Variants in CENPK observed in about 807,000 individuals in gnomAD.
CENPK encodes the protein centromere protein K, also known as SoxLZ/Sox6-binding protein Solt.
A neutral mutation model predicts 40.9 loss-of-function variants in CENPK; 46 were observed. The ratio of observed to expected loss-of-function variants is 1.13; its 90% CI spans 0.89 to 1.44. The LOEUF is 1.44. Ranked by LOEUF, CENPK falls within the 40% of genes most tolerant of loss-of-function variation. The pLI is 0.00. For synonymous variants in CENPK, 107 were observed against 104.4 expected (o/e 1.02, Z -0.15); for missense variants, 288 against 303.5 (o/e 0.95, Z 0.38).
chr5:65,552,782 A>C (rs34740749), intron 3 of CENPK, among the ~76,000 whole-genome samples: 1,788 of 152,064 alleles, frequency 0.012, 23 homozygotes, highest in Middle Eastern at 0.048. Flanking sequence ...AAAAAAAAAA[A>C]CCCAAAAACT....
the CENPK span, among the ~76,000 whole-genome samples, chr5:65,500,861 G>A: frequency 4.6e-5 from 7 of 151,836 alleles, no homozygotes; most frequent in African/African-American, 1.5e-4. Flanking sequence ...CAGTAGAGAC[G>A]GGGTTACACC....
chr5:65,560,504 G>A (rs1227831552), intron 2 of CENPK, among the ~76,000 whole-genome samples: 1 of 152,020 alleles, frequency 6.6e-6, no homozygotes, highest in African/African-American at 2.4e-5. Flanking sequence ...TAAACTTTAC[G>A]TTTATTTTGT....
intron 2 of CENPK, among the ~76,000 whole-genome samples, chr5:65,557,900 G>A (rs1300675028): frequency 2.0e-5 from 3 of 152,184 alleles, no homozygotes; most frequent in South Asian, 2.1e-4. Flanking sequence ...AAGAAAGAAT[G>A]GAAGGCAAGG....
intron 6 of CENPK, among the ~76,000 whole-genome samples, chr5:65,538,823 T>C (rs1376583258): frequency 6.6e-6 from 1 of 152,202 alleles, no homozygotes; most frequent in Non-Finnish European, 1.5e-5. Context: ...GGTTCTCAGA[T>C]ATATAGGTAA....
the CENPK span, among the ~76,000 whole-genome samples, chr5:65,496,650 A>G: frequency 3.3e-5 from 5 of 152,178 alleles, no homozygotes; most frequent in African/African-American, 1.2e-4. Context: ...AGGTTAAGTA[A>G]TAAAAAAAGG....
chr5:65,518,739 CT>C, intron 10 of CENPK, 106 bp from the exon 11 acceptor site: 1 of 643,784 alleles, frequency 1.6e-6, no homozygotes, highest in Non-Finnish European at 2.6e-6. Context: ...TTTTCAACAA[CT>C]GTTTAATACT....
chr5:65,558,829 G>C (rs1403380075), intron 2 of CENPK, among the ~76,000 whole-genome samples: 1 of 152,184 alleles, frequency 6.6e-6, no homozygotes, highest in African/African-American at 2.4e-5. Context: ...TCAAGAAAAA[G>C]AGAGGCCAAG....
At chr5:65,515,789 C>CT (rs1012536464), downstream of CENPK, among the ~76,000 whole-genome samples, 2 of 152,184 alleles carry the variant, frequency 1.3e-5, no homozygotes, top group African/African-American at 4.8e-5. Context: ...ATTAATATAG[C>CT]TACTCCAGCT....
At position 65,551,572 on chromosome 5, in the gene CENPK, G is replaced by T; in HGVS notation, c.233C>A (p.Thr78Lys). 6.5e-7 allele frequency: 1 copy of T among 1,530,452 alleles called. No homozygotes were observed. The highest frequency in any genetic ancestry group is 1.4e-5 in the African/African-American group (1 of 71,606). 94.8% of individuals were successfully genotyped at this position (1,530,452 alleles called of 1,614,324 possible). ...TAELSQWQKK[T>K]PETIPLTEDV... The stretch of plus-strand genomic sequence containing the variant: ...TAAAATAAGAATCTTACTTTCAGGT[G>T]TTTTTTTCTGCCATTGACTGAGTTC... The change falls in exon 5 of 11, where the codon ACA becomes AAA. Residue 78 changes from threonine (T) to lysine (K), a missense_variant. Transcript: ENST00000396679.
downstream of CENPK, among the ~76,000 whole-genome samples, chr5:65,513,715 TTG>T (rs1237928654): frequency 6.6e-6 from 1 of 152,206 alleles, no homozygotes; most frequent in Non-Finnish European, 1.5e-5. Context: ...CATAGGAATT[TTG>T]TCTTATTGCA....
At chr5:65,508,642 C>A in the CENPK span, among the ~76,000 whole-genome samples, 1 of 151,786 alleles carries the variant, frequency 6.6e-6, no homozygotes, top group Non-Finnish European at 1.5e-5. Context: ...AAAAATTAGC[C>A]GGGCATGGTG....
intron 6 of CENPK, among the ~76,000 whole-genome samples, chr5:65,529,991 G>C (rs1449843290): frequency 6.6e-6 from 1 of 151,120 alleles, no homozygotes; most frequent in Non-Finnish European, 1.5e-5. Context: ...TTTTAGTAGA[G>C]ACGGGGTTTC....
At chr5:65,561,840 C>T (rs950169640) in intron 1 of CENPK, among the ~76,000 whole-genome samples, 2 of 152,076 alleles carry the variant, frequency 1.3e-5, no homozygotes, top group African/African-American at 4.8e-5. Flanking sequence ...GCAAAAAATA[C>T]CCACATAATT....
the CENPK span, among the ~76,000 whole-genome samples, chr5:65,499,526 G>T: frequency 1.3e-5 from 2 of 151,492 alleles, no homozygotes; most frequent in Non-Finnish European, 2.9e-5. Flanking sequence ...CTGAGCTGGG[G>T]TTCTCTCAGC....
chr5:65,529,077 T>C (rs923992690), intron 7 of CENPK, 40 bp downstream of exon 7: 3 of 1,537,804 alleles, frequency 2.0e-6, no homozygotes, highest in African/African-American at 2.7e-5. Flanking sequence ...TGTCACTTAA[T>C]ATATATGAAT....
At chr5:65,537,589 C>T (rs1041558222) in intron 6 of CENPK, among the ~76,000 whole-genome samples, 2 of 152,198 alleles carry the variant, frequency 1.3e-5, no homozygotes, top group South Asian at 4.1e-4. Flanking sequence ...TGTGAGCCAC[C>T]ACGCCCGGCC....
downstream of CENPK, among the ~76,000 whole-genome samples, chr5:65,516,236 T>C (rs1258346223): frequency 1.3e-5 from 2 of 152,204 alleles, no homozygotes; most frequent in Admixed American, 1.3e-4. Flanking sequence ...TGTTTAGTCG[T>C]TTTTTAATGC....
chr5:65,521,395 T>C, intron 10 of CENPK, 80 bp downstream of exon 10: 1 of 901,350 alleles, frequency 1.1e-6, no homozygotes, highest in East Asian at 2.6e-5. Context: ...GCAGTATTTT[T>C]TGTTTTTCAA....
At chr5:65,544,125 T>C (rs16893936) in intron 5 of CENPK, among the ~76,000 whole-genome samples, 4,358 of 152,210 alleles carry the variant, frequency 0.029, 202 homozygotes, top group African/African-American at 0.1. Flanking sequence ...ATAGATAGGT[T>C]TGTATTAGAA....
Sources: allele counts gnomAD v4.1 joint callset (sites outside exome capture counted in the v4.1 genomes callset), GRCh38; gene constraint gnomAD v4.1.1; transcripts MANE v1.5; gene names NCBI Gene and HGNC (gene_info 2026-07-23, HGNC 2026-07-21).